LAPTM4B: variants seen among roughly 807,000 people sequenced by gnomAD.
The protein encoded by LAPTM4B is lysosomal protein transmembrane 4 beta.
LAPTM4B carries 26 observed loss-of-function variants against 28.5 expected under a neutral mutation model. The observed-to-expected ratio is 0.91, with a 90% CI of 0.67 to 1.27. The LOEUF (loss-of-function observed/expected upper bound fraction) is 1.27. LAPTM4B is among the 50% of genes most tolerant of loss of function. The probability of loss-of-function intolerance (pLI) is 0.00; values close to 1 mark genes in which losing one functional copy is unlikely to be tolerated. For synonymous variants in LAPTM4B, 109 were observed against 106.4 expected (o/e 1.02, Z -0.15); for missense variants, 288 against 285.8 (o/e 1.01, Z -0.06).
rs75061749 is a variant in LAPTM4B, at chr8:97,778,937, T to A, written c.99+2829T>A. Among the ~76,000 whole-genome samples the A allele has an allele frequency of 7.3e-3, 1,107 of 152,288 alleles. 18 individuals are homozygous for A. Among genetic ancestry groups the A allele is most frequent in the African/African-American group, 0.025 (1,019 of 41,568 alleles). ...AAACTTTGATTTTCTTGAACTTTTT[T>A]AAGAGAGTTTGTGTGGCTAGGGAGC... On this transcript the variant is annotated intron_variant, in intron 1 of 6. Coordinates refer to ENST00000521545, the MANE Select transcript of LAPTM4B (RefSeq NM_018407.6).
At chr8:97,790,599 G>A (rs1009343847) in intron 1 of LAPTM4B, among the ~76,000 whole-genome samples, 5 of 151,820 alleles carry the variant, frequency 3.3e-5, no homozygotes, top group African/African-American at 1.2e-4. Flanking sequence ...ATGAGCCACC[G>A]TGCCTGGCCT....
chr8:97,819,058 T>G, intron 4 of LAPTM4B, 82 bp from the exon 5 acceptor site: 1 of 835,118 alleles, frequency 1.2e-6, no homozygotes, highest in Non-Finnish European at 2.0e-6. Flanking sequence ...TGCTTTCTGA[T>G]AAGCATGTCT....
chr8:97,845,095 C>G (rs1817407168), intron 6 of LAPTM4B, among the ~76,000 whole-genome samples: 1 of 152,136 alleles, frequency 6.6e-6, no homozygotes, highest in South Asian at 2.1e-4. Flanking sequence ...GTCTGCTTTG[C>G]TAGTTGCTGA....
chr8:97,810,495 C>T (rs184881613), intron 2 of LAPTM4B, among the ~76,000 whole-genome samples: 4 of 152,266 alleles, frequency 2.6e-5, no homozygotes, highest in Admixed American at 2.0e-4. Context: ...GTGAATTCTG[C>T]TGTGTTTGTA....
rs1176218610 is a variant in LAPTM4B at position 97,777,137 on chromosome 8, GTTTTT to G, written c.99+1052_99+1056del. ...AGCATATATAACTTTTTTCAGTGAG[GTTTTT>G]TTTTTTTTTTTTTTTTTTTTTTGAG... On this transcript the variant is annotated intron_variant, in intron 1 of 6. Transcript: ENST00000521545. 5.0e-3 allele frequency among the ~76,000 whole-genome samples: 415 copies of G among 83,800 alleles called. 1 individual carries two copies. Among genetic ancestry groups the G allele is most frequent in the African/African-American group, 0.018 (384 of 21,376 alleles). The allele number at this position is 83,800 out of a possible 152,430, so 55.0% of individuals were successfully genotyped here. A position where few individuals can be genotyped will look rare whatever the true frequency, so the allele number is the denominator to read the frequency against.
At chr8:97,802,720 G>T (rs572290778) in intron 1 of LAPTM4B, among the ~76,000 whole-genome samples, 1 of 152,244 alleles carries the variant, frequency 6.6e-6, no homozygotes, top group African/African-American at 2.4e-5. Context: ...GCCTTTGACG[G>T]AGAAGGTAAC....
Position 97,817,995 on chromosome 8 carries a change from T to G in LAPTM4B, c.409-1145T>G, listed in dbSNP as rs144752796. 6.1e-3 allele frequency among the ~76,000 whole-genome samples: 924 copies of G among 152,148 alleles called. 7 individuals are homozygous for G. The highest frequency in any genetic ancestry group is 0.021 in the African/African-American group (870 of 41,506). ...TGCCCGGCTAAATTTGTATTTTTAG[T>G]AGAGATGGGGTTTGACTATGTTGTC... On this transcript the variant is annotated intron_variant, in intron 4 of 6. Transcript: ENST00000521545.
chr8:97,822,787 G>A (rs1208982021), intron 5 of LAPTM4B, among the ~76,000 whole-genome samples: 1 of 151,998 alleles, frequency 6.6e-6, no homozygotes, highest in African/African-American at 2.4e-5. Context: ...ATCACATCAT[G>A]GAAAATCGGG....
At chr8:97,801,047 C>G (rs1009861569) in intron 1 of LAPTM4B, among the ~76,000 whole-genome samples, 1 of 152,154 alleles carries the variant, frequency 6.6e-6, no homozygotes, top group African/African-American at 2.4e-5. Context: ...TGACCAGCTC[C>G]TTACCTCTGC....
chr8:97,785,848 C>T (rs777493316), intron 1 of LAPTM4B, among the ~76,000 whole-genome samples: 3 of 152,160 alleles, frequency 2.0e-5, no homozygotes, highest in Non-Finnish European at 4.4e-5. Context: ...ATTGCTGTAT[C>T]GTTTTAATGT....
In LAPTM4B at chr8:97,783,774, C is replaced by T. The variant is rs116667258; in HGVS notation, c.99+7666C>T. Among the ~76,000 whole-genome samples, 1,103 of 152,272 alleles carry T rather than the reference C, an allele frequency of 7.2e-3. 13 individuals are homozygous for T. Among genetic ancestry groups the T allele is most frequent in the African/African-American group, 0.025 (1,049 of 41,558 alleles). On this transcript the variant is annotated intron_variant, in intron 1 of 6. Coordinates refer to ENST00000521545, the MANE Select transcript of LAPTM4B (RefSeq NM_018407.6). Reference sequence around the variant, plus strand: ...CCCTCCCTCCCATAACCTGTTTTGCCGTGATCTAAACCCCTATTCTTTCTG... The same window carrying T: ...CCCTCCCTCCCATAACCTGTTTTGCTGTGATCTAAACCCCTATTCTTTCTG...
chr8:97,837,142 G>A (rs1334640209), intron 6 of LAPTM4B, among the ~76,000 whole-genome samples: 1 of 151,236 alleles, frequency 6.6e-6, no homozygotes, highest in Non-Finnish European at 1.5e-5. Flanking sequence ...AGTAGTGGTT[G>A]CAATGACTTT....
intron 1 of LAPTM4B, 64 bp downstream of exon 1, chr8:97,776,172 C>T: frequency 6.8e-7 from 1 of 1,473,874 alleles, no homozygotes; most frequent in East Asian, 2.7e-5. Context: ...GGGCTTCTGG[C>T]CCGGCCTCGC....
At chr8:97,830,903 G>A (rs1817174843) in intron 6 of LAPTM4B, among the ~76,000 whole-genome samples, 1 of 152,150 alleles carries the variant, frequency 6.6e-6, no homozygotes, top group South Asian at 2.1e-4. Flanking sequence ...CTGGAAGATA[G>A]TTACCAAGAG....
At chr8:97,825,482 G>A (rs1181293013) in intron 6 of LAPTM4B, among the ~76,000 whole-genome samples, 2 of 152,110 alleles carry the variant, frequency 1.3e-5, no homozygotes, top group East Asian at 1.9e-4. Context: ...TCTAGATATC[G>A]CTTCTGCATT....
At chr8:97,792,547 G>A (rs1181304033) in intron 1 of LAPTM4B, among the ~76,000 whole-genome samples, 1 of 152,018 alleles carries the variant, frequency 6.6e-6, no homozygotes, top group African/African-American at 2.4e-5. Flanking sequence ...GAGCCGCCGT[G>A]CCTAGCCTAA....
intron 1 of LAPTM4B, among the ~76,000 whole-genome samples, chr8:97,792,996 A>G (rs1391506965): frequency 6.6e-6 from 1 of 152,074 alleles, no homozygotes; most frequent in Non-Finnish European, 1.5e-5. Flanking sequence ...CAGAAATCAT[A>G]CAAAGGATAC....
intron 1 of LAPTM4B, among the ~76,000 whole-genome samples, chr8:97,789,078 A>G (rs1054360292): frequency 2.2e-5 from 3 of 134,130 alleles, no homozygotes; most frequent in African/African-American, 5.4e-5. Context: ...TTATTTATTT[A>G]TTTATTTATT....
chr8:97,824,206 C>A (rs527475134), intron 5 of LAPTM4B, among the ~76,000 whole-genome samples: 2 of 152,044 alleles, frequency 1.3e-5, no homozygotes, highest in South Asian at 4.2e-4. Context: ...TGTAGAATAC[C>A]TAGGAGTGGA....
Sources: allele counts gnomAD v4.1 joint callset (sites outside exome capture counted in the v4.1 genomes callset), GRCh38; gene constraint gnomAD v4.1.1; transcripts MANE v1.5; gene names NCBI Gene and HGNC (gene_info 2026-07-23, HGNC 2026-07-21).